The following CDH23 variants were observed in gnomAD, a reference collection of about 807,000 sequenced individuals.
CDH23 encodes the protein cadherin-23.
Under a neutral mutation model 317.1 loss-of-function variants are expected in CDH23, and 189 were observed. The ratio of observed to expected loss-of-function variants is 0.60; its 90% CI spans 0.53 to 0.67. CDH23 has a LOEUF of 0.67. Among genes scored for constraint, CDH23 ranks in the 30% least tolerant of loss-of-function variants. The probability of loss-of-function intolerance (pLI) is 0.00; values close to 1 mark genes in which losing one functional copy is unlikely to be tolerated. For synonymous variants in CDH23, 1,839 were observed against 1,876.8 expected, an observed-to-expected ratio of 0.98 and a Z score of 0.52; for missense variants, 4,401 against 4,592.4, an observed-to-expected ratio of 0.96 and a Z score of 1.20.
intron 1 of CDH23, among the ~76,000 whole-genome samples, chr10:71,406,017 AATT>A (rs1848079939): frequency 2.2e-5 from 1 of 44,688 alleles, no homozygotes; most frequent in Admixed American, 1.8e-4. Flanking sequence ...AAAAGCAGGT[AATT>A]TTTTTTTTTT....
chr10:71,773,407 G>A (rs1314087022), intron 38 of CDH23: 7 of 1,608,928 alleles, frequency 4.4e-6, no homozygotes, highest in Non-Finnish European at 5.9e-6. Flanking sequence ...CCCAGCGCCA[G>A]CTGCCGGCCT....
rs79585593 is a variant in CDH23 at position 71,620,311 on chromosome 10, A to G, written c.1134+2918A>G. Among the ~76,000 whole-genome samples, 759 of 152,258 alleles carry G rather than the reference A, an allele frequency of 5.0e-3. 5 individuals carry two copies. The highest frequency in any genetic ancestry group is 8.1e-3 in the Non-Finnish European group (552 of 68,004). On this transcript the variant is annotated intron_variant, in intron 11 of 69. Transcript: ENST00000224721. The stretch of plus-strand genomic sequence containing the variant: ...CTCTGCCACAGAGAAGGAGGCATGT[A>G]CAGGGCGTGGCACAGCGCCCAGTAC...
At chr10:71,587,324 T>G (rs533294826) in intron 9 of CDH23, among the ~76,000 whole-genome samples, 2 of 152,354 alleles carry the variant, frequency 1.3e-5, no homozygotes, top group African/African-American at 4.8e-5. Flanking sequence ...CATTCAATCA[T>G]TCCTTTATTC....
At chr10:71,718,321 C>T (rs541414411) in intron 28 of CDH23, among the ~76,000 whole-genome samples, 10 of 152,354 alleles carry the variant, frequency 6.6e-5, no homozygotes, top group Admixed American at 5.2e-4. Flanking sequence ...CTCCCTGCGC[C>T]CAGCCAACTG....
rs554423762 is a variant in CDH23, at chr10:71,729,631, G to A, written c.3580-838G>A. 1.1e-4 allele frequency among the ~76,000 whole-genome samples: 16 copies of A among 152,324 alleles called. 1 individual carries two copies. The highest frequency in any genetic ancestry group is 3.6e-4 in the African/African-American group (15 of 41,576). ...GAGCCTTAGGGGCTGGGAGCTGGCCGTGAGAAGGTGCACAAGTAAAGAGTA... is the reference window on the plus strand; with the variant it reads ...GAGCCTTAGGGGCTGGGAGCTGGCCATGAGAAGGTGCACAAGTAAAGAGTA... On this transcript the variant is annotated intron_variant, in intron 30 of 69. Coordinates refer to ENST00000224721, the MANE Select transcript of CDH23 (RefSeq NM_022124.6).
chr10:71,667,359 AGT>A lies in CDH23; in HGVS notation c.1450-7717_1450-7716del, dbSNP rs67337082. On this transcript the variant is annotated intron_variant, in intron 14 of 69. Coordinates refer to ENST00000224721, the MANE Select transcript of CDH23 (RefSeq NM_022124.6). ...GCTTGAGGCAGAGAAAGAGAGAGAG[AGT>A]GTGTGTGTGTGTGTGTGTGTGTGTG... Among the ~76,000 whole-genome samples, 629 of 112,088 alleles carry A rather than the reference AGT, an allele frequency of 5.6e-3. 1 individual carries two copies. The highest frequency in any genetic ancestry group is 8.3e-3 in the Admixed American group (96 of 11,542). The allele number at this position is 112,088 out of a possible 152,430, so 73.5% of individuals were successfully genotyped here.
intron 8 of CDH23, among the ~76,000 whole-genome samples, chr10:71,573,796 A>G (rs1011036036): frequency 2.0e-5 from 3 of 151,794 alleles, no homozygotes; most frequent in Non-Finnish European, 4.4e-5. Flanking sequence ...AGGGTTTCAG[A>G]CCCTCCAGCC....
intron 6 of CDH23, among the ~76,000 whole-genome samples, chr10:71,524,846 A>AG (rs1266379851): frequency 3.3e-5 from 5 of 152,228 alleles, no homozygotes; most frequent in East Asian, 3.9e-4. Context: ...GAAAAAGGGA[A>AG]GGAAACAGAT....
At chr10:71,468,404 T>A (rs762540347) in intron 3 of CDH23, among the ~76,000 whole-genome samples, 20 of 152,174 alleles carry the variant, frequency 1.3e-4, no homozygotes, top group Non-Finnish European at 2.4e-4. Flanking sequence ...TGCCCACACA[T>A]CAATCCCAGG....
intron 7 of CDH23, among the ~76,000 whole-genome samples, chr10:71,570,331 C>T (rs1453057088): frequency 6.6e-6 from 1 of 152,196 alleles, no homozygotes; most frequent in African/African-American, 2.4e-5. Flanking sequence ...TCCTCTGCTG[C>T]CCTGGGATGA....
chr10:71,571,102 TCTC>T (rs1443145901), intron 8 of CDH23, among the ~76,000 whole-genome samples, 184 bp downstream of exon 8: 3 of 152,158 alleles, frequency 2.0e-5, no homozygotes, highest in Non-Finnish European at 4.4e-5. Context: ...ACCACGCCCA[TCTC>T]CTCACCCTCT....
chr10:71,421,209 A>G (rs1480416668), intron 1 of CDH23, among the ~76,000 whole-genome samples: 3 of 152,206 alleles, frequency 2.0e-5, no homozygotes, highest in African/African-American at 7.2e-5. Flanking sequence ...GGCCTTGGGT[A>G]ATGCCCGGTC....
At chr10:71,755,066 A>G in intron 38 of CDH23, 1 of 559,326 alleles carries the variant, frequency 1.8e-6, no homozygotes, top group Non-Finnish European at 3.4e-6. Context: ...TGCTTTTATA[A>G]AGCAACTTGA....
At position 71,705,013 on chromosome 10, in the gene CDH23, G is replaced by A. The variant is rs931850625; in HGVS notation, c.2836G>A (p.Val946Met). 16 of 1,612,638 alleles carry A rather than the reference G, an allele frequency of 9.9e-6. No individual in the cohort carries two copies. The highest frequency in any genetic ancestry group is 9.3e-5 in the African/African-American group (7 of 74,918). Residue 946 changes from valine to methionine, a missense_variant, in exon 25 of 70, where the codon GTG becomes ATG. Around this residue, in one of 3 missense-constraint regions of CDH23, gnomAD observed 3,068 missense variants for 3,203.3 expected, o/e 0.96. Transcript: ENST00000224721. ...CTTCCTCATCAACAGCAGCAGCGGC[G>A]TGGTGGTCACCACCACCGAGCTGGA... ...MDFLINSSSG[V>M]VVTTTELDRE...
chr10:71,785,771 G>T, intron 44 of CDH23, 33 bp downstream of exon 44: 2 of 1,303,878 alleles, frequency 1.5e-6, no homozygotes, highest in African/African-American at 2.9e-5. Flanking sequence ...GGAGTGGGCT[G>T]GGAGCTAGAG....
intron 9 of CDH23, among the ~76,000 whole-genome samples, chr10:71,590,906 A>C (rs950231067): frequency 1.4e-5 from 2 of 147,332 alleles, no homozygotes; most frequent in Admixed American, 1.4e-4. Context: ...ACAAAAAAAA[A>C]CACCAGTCTC....
Position 71,809,924 on chromosome 10 carries a change from A to G in CDH23, c.8827A>G (p.Thr2943Ala). The G allele has an allele frequency of 6.2e-7, 1 of 1,612,980 alleles. No individual in the cohort carries two copies. The highest frequency in any genetic ancestry group is 1.1e-5 in the South Asian group (1 of 91,082). The part of the protein sequence containing the change: ...VARDLAGHND[T>A]AIIGIYILRD... Reference sequence around the variant, plus strand: ...CCGAGACCTGGCAGGCCACAACGACACGGCCATCATCGGCATCTACATCCT... The same window carrying G: ...CCGAGACCTGGCAGGCCACAACGACGCGGCCATCATCGGCATCTACATCCT... The change falls in exon 61 of 70, where the codon ACG (threonine) becomes GCG (alanine). Residue 2943 changes from threonine (T) to alanine (A), a missense_variant. Physicochemically the swap from Thr to Ala is moderately conservative, Grantham distance 58. This residue lies in a region of CDH23 where 1,144 missense variants were observed against 1,138.2 expected (regional missense o/e 1.01). Coordinates refer to ENST00000224721, the MANE Select transcript of CDH23 (RefSeq NM_022124.6).
chr10:71,798,785 C>T (rs1380660902), intron 50 of CDH23, among the ~76,000 whole-genome samples: 4 of 152,192 alleles, frequency 2.6e-5, no homozygotes, highest in Admixed American at 1.3e-4. Context: ...CTCTTGATGT[C>T]TGCCGGAAAC....
At chr10:71,682,942 ATGACCAGAAGGTC>A (rs1304430294) in intron 18 of CDH23, among the ~76,000 whole-genome samples, 1 of 152,064 alleles carries the variant, frequency 6.6e-6, no homozygotes, top group Non-Finnish European at 1.5e-5. Context: ...GAACAGAAGA[ATGACCAGAAGGTC>A]ATCTTCTCCC....
Sources: gnomAD v4.1 joint callset for allele counts (sites outside exome capture counted in the v4.1 genomes callset) on GRCh38, gnomAD v4.1.1 for gene constraint, gnomAD v4.1.1 regional missense constraint, MANE v1.5 for transcripts, NCBI Gene and HGNC (gene_info 2026-07-23, HGNC 2026-07-21) for gene names.